Variants in CD109 observed in about 807,000 individuals in gnomAD.
CD109 encodes CD109 molecule.
Under a neutral mutation model 165.8 loss-of-function variants are expected in CD109, and 149 were observed. That is an observed-to-expected ratio of 0.90 (90% CI 0.79 to 1.03). The LOEUF is 1.03. CD109 is among the 50% of genes least tolerant of loss of function. The probability of loss-of-function intolerance (pLI) is 0.00; values close to 1 mark genes in which losing one functional copy is unlikely to be tolerated. For missense variants in CD109, 1,712 were observed against 1,677.8 expected (o/e 1.02, Z -0.36); for synonymous variants, 585 against 592.1 (o/e 0.99, Z 0.18).
chr6:73,740,304 T>C (rs145375898), intron 5 of CD109, among the ~76,000 whole-genome samples: 3 of 152,332 alleles, frequency 2.0e-5, no homozygotes, highest in Admixed American at 6.5e-5. Context: ...GTAATGACTA[T>C]ACAGGTAATC....
chr6:73,679,238 C>T, the CD109 span, among the ~76,000 whole-genome samples: 22 of 152,180 alleles, frequency 1.4e-4, no homozygotes, highest in African/African-American at 5.1e-4. Flanking sequence ...AACGCAGGCT[C>T]AGGGTGAGTC....
rs41265539 is a variant in CD109, at chr6:73,766,094, A to T, written c.1272A>T (p.Gln424His). ...AVQKINYTVP[Q>H]SGTFKIEFPI... The stretch of plus-strand genomic sequence containing the variant: ...AGAAAATAAATTATACTGTCCCCCA[A>T]AGTGGAACTTTTAAGATTGAATTCC... The change falls in exon 11 of 33, where the codon CAA becomes CAT. Residue 424 changes from glutamine (Q) to histidine (H), a missense_variant. By Grantham distance (24) the Gln-to-His change is conservative. Coordinates refer to ENST00000287097, the MANE Select transcript of CD109 (RefSeq NM_133493.5). 6.2e-7 allele frequency: 1 copy of T among 1,614,008 alleles called. No individual in the cohort carries two copies. Among genetic ancestry groups the T allele is most frequent in the African/African-American group, 1.3e-5 (1 of 74,926 alleles).
At chr6:73,747,210 T>C (rs920070334) in intron 5 of CD109, among the ~76,000 whole-genome samples, 5 of 152,250 alleles carry the variant, frequency 3.3e-5, no homozygotes, top group African/African-American at 1.2e-4. Flanking sequence ...TCTTTCTGTC[T>C]TAGATCTTTT....
At chr6:73,792,269 CT>C (rs1774996783) in intron 22 of CD109, among the ~76,000 whole-genome samples, 1 of 152,068 alleles carries the variant, frequency 6.6e-6, no homozygotes, top group Non-Finnish European at 1.5e-5. Flanking sequence ...GTGAAGAATA[CT>C]ACTAATAAAA....
At chr6:73,818,582 T>C in intron 31 of CD109, 47 bp downstream of exon 31, 1 of 1,528,646 alleles carries the variant, frequency 6.5e-7, no homozygotes, top group East Asian at 2.3e-5. Flanking sequence ...CACTGTGTTT[T>C]GTATTCAGGT....
chr6:73,806,446 G>T (rs966012947), intron 24 of CD109, among the ~76,000 whole-genome samples: 1 of 152,078 alleles, frequency 6.6e-6, no homozygotes, highest in Non-Finnish European at 1.5e-5. Context: ...CACCAACATG[G>T]CACATGTACA....
intron 23 of CD109, among the ~76,000 whole-genome samples, chr6:73,799,257 T>C (rs1775278799): frequency 6.6e-6 from 1 of 152,246 alleles, no homozygotes; most frequent in African/African-American, 2.4e-5. Context: ...CATTTAATTT[T>C]TTCCACTTTT....
intron 13 of CD109, 63 bp downstream of exon 13, chr6:73,767,073 A>G: frequency 7.0e-7 from 1 of 1,426,458 alleles, no homozygotes. Context: ...TTCACTTTTA[A>G]GTTCTGGGGT....
intron 29 of CD109, 112 bp downstream of exon 29, chr6:73,812,382 A>G (rs1480346409): frequency 4.4e-6 from 3 of 689,536 alleles, no homozygotes; most frequent in Non-Finnish European, 7.2e-6. Flanking sequence ...AATGATTTAC[A>G]TCTGTGACTT....
In CD109 at chr6:73,820,559, G is replaced by A. The variant is rs757927808; in HGVS notation, c.4158G>A (p.Glu1386=). The change falls in exon 32 of 33, where the codon GAG becomes GAA. Residue 1386 remains glutamate (E), a synonymous_variant. Coordinates refer to ENST00000287097, the MANE Select transcript of CD109 (RefSeq NM_133493.5). ...DASVSIVDYY[E]PRRQAVRSYN... The stretch of plus-strand genomic sequence containing the variant: ...CAGTGTCCATAGTGGATTACTATGA[G>A]CCAAGTAAGTATGCTCTGGAGTTCT... 2 of 1,562,116 alleles carry A rather than the reference G, an allele frequency of 1.3e-6. No individual in the cohort carries two copies. The highest frequency in any genetic ancestry group is 1.1e-5 in the South Asian group (1 of 88,228).
chr6:73,821,811 A>G (rs910161316), intron 32 of CD109, among the ~76,000 whole-genome samples: 1 of 152,160 alleles, frequency 6.6e-6, no homozygotes, highest in Non-Finnish European at 1.5e-5. Flanking sequence ...TAGAAGCCCA[A>G]ACCTCAGCAT....
chr6:73,730,626 C>A, intron 4 of CD109, 52 bp downstream of exon 4: 1 of 1,195,874 alleles, frequency 8.4e-7, no homozygotes, highest in East Asian at 2.4e-5. Context: ...TTACTAAACC[C>A]CTCTGGGAAG....
chr6:73,781,725 C>T (rs893187814), intron 17 of CD109, among the ~76,000 whole-genome samples: 5 of 150,826 alleles, frequency 3.3e-5, no homozygotes, highest in Non-Finnish European at 5.9e-5. Context: ...GCCCAGATGC[C>T]ATCATGCCAT....
intron 22 of CD109, among the ~76,000 whole-genome samples, chr6:73,790,239 T>C (rs956865092): frequency 3.3e-5 from 5 of 151,022 alleles, no homozygotes; most frequent in Non-Finnish European, 5.9e-5. Context: ...GGACTACAGG[T>C]GTGTGCCACC....
Position 73,766,803 on chromosome 6 carries a change from G to A in CD109, c.1377G>A (p.Leu459=). Residue 459 remains leucine (L), a synonymous_variant, in exon 12 of 33, where the codon CTG becomes CTA. Coordinates refer to ENST00000287097, the MANE Select transcript of CD109 (RefSeq NM_133493.5). ...AAAGTAGCATGGCAGTTCATAGTCT[G>A]TTTAAGTCTCCTAGTAAGACATACA... is the stretch of plus-strand genomic sequence containing the variant. ...GSKSSMAVHS[L]FKSPSKTYIQ... 3 of 1,613,108 alleles carry A rather than the reference G, an allele frequency of 1.9e-6. No individual in the cohort carries two copies. Among genetic ancestry groups the A allele is most frequent in the Non-Finnish European group, 2.5e-6 (3 of 1,179,450 alleles).
At position 73,780,628 on chromosome 6, in the gene CD109, T is replaced by C; in HGVS notation, c.1902+130T>C. On this transcript the variant is annotated intron_variant, in intron 16 of 32. Transcript: ENST00000287097. The stretch of plus-strand genomic sequence containing the variant: ...TCACTGAAGCGCAGTCTTATGTAAG[T>C]ATAATTTGAAATGAAAAGATAATCA... The C allele has an allele frequency of 6.9e-6, 4 of 577,746 alleles. No homozygotes were observed. The South Asian group carries it at 7.3e-5, about 11-fold the overall frequency. The allele number at this position is 577,746 out of a possible 1,614,324, so 35.8% of individuals were successfully genotyped here.
chr6:73,797,933 A>T (rs542508213), intron 23 of CD109, among the ~76,000 whole-genome samples: 1 of 152,268 alleles, frequency 6.6e-6, no homozygotes, highest in African/African-American at 2.4e-5. Flanking sequence ...CTCAAGAGCC[A>T]TTCCTAAAAT....
rs142494609 is a variant in CD109 at position 73,718,919 on chromosome 6, G to A, written c.248-4332G>A. On this transcript the variant is annotated intron_variant, in intron 2 of 32. Transcript: ENST00000287097. ...ACACAAATTTAAGTCTTCTATCCCC[G>A]TGACCAGTTCTGTCCAATACAAGTA... Among the ~76,000 whole-genome samples the A allele has an allele frequency of 5.1e-3, 779 of 152,052 alleles. 4 individuals carry two copies. The highest frequency in any genetic ancestry group is 0.013 in the African/African-American group (541 of 41,464).
chr6:73,765,047 C>G (rs6939653), intron 10 of CD109, among the ~76,000 whole-genome samples: 2 of 151,712 alleles, frequency 1.3e-5, no homozygotes, highest in Non-Finnish European at 2.9e-5. Context: ...ATGGGGGTTA[C>G]TATGGGATGC....
Sources: allele counts gnomAD v4.1 joint callset (sites outside exome capture counted in the v4.1 genomes callset), GRCh38; gene constraint gnomAD v4.1.1; transcripts MANE v1.5; gene names NCBI Gene and HGNC (gene_info 2026-07-23, HGNC 2026-07-21).